AIM2: variants seen among roughly 807,000 people sequenced by gnomAD.
AIM2 encodes the protein interferon-inducible protein AIM2.
A neutral mutation model predicts 27.7 loss-of-function variants in AIM2; 30 were observed. That is an observed-to-expected ratio of 1.08 (90% CI 0.81 to 1.47). The LOEUF is 1.47. Among genes scored for constraint, AIM2 ranks in the 40% most tolerant of loss-of-function variants. The pLI, the probability that AIM2 is intolerant of heterozygous loss-of-function variation, is 0.00. For missense variants in AIM2, 358 were observed against 411.3 expected, an observed-to-expected ratio of 0.87 and a Z score of 1.12; for synonymous variants, 141 against 145.3, an observed-to-expected ratio of 0.97 and a Z score of 0.21.
At chr1:159,123,611 A>G (rs1557912987) in intron 1 of AIM2, 1 of 152,238 alleles carries the variant, frequency 6.6e-6, no homozygotes, top group Non-Finnish European at 1.5e-5. Flanking sequence ...GTTTGGCAAA[A>G]GTTAGATGGC....
rs545512427 is a variant in AIM2, at chr1:159,101,037, A to G, written c.-15-34708T>C. On this transcript the variant is annotated intron_variant, in intron 1 of 2. Coordinates refer to the AIM2 transcript ENST00000368129. ...TACACCTCACTTTCACCTCACTTTCATCACAGATAAGTTAGACAACATCAC... is the reference window on the plus strand; with the variant it reads ...TACACCTCACTTTCACCTCACTTTCGTCACAGATAAGTTAGACAACATCAC... Among the ~76,000 whole-genome samples, 29 of 152,298 alleles carry G rather than the reference A, an allele frequency of 1.9e-4. No individual in the cohort carries two copies. In the South Asian group the frequency reaches 4.6e-3, roughly 24 times the overall value.
chr1:159,139,876 C>T (rs1648077986), intron 1 of AIM2, among the ~76,000 whole-genome samples: 1 of 152,120 alleles, frequency 6.6e-6, no homozygotes, highest in Non-Finnish European at 1.5e-5. Context: ...GGCCCTTGCC[C>T]CGAATTTTAA....
At chr1:159,061,558 ATTTTTTTTTTTTTTT>A (rs945588968), downstream of AIM2, among the ~76,000 whole-genome samples, 261 of 83,118 alleles carry the variant, frequency 3.1e-3, 3 homozygotes, top group South Asian at 0.02. Context: ...GTGCCCGGCT[ATTTTTTTTTTTTTTT>A]TTTTTTTTTT....
At chr1:159,130,222 A>G (rs1378755096) in intron 1 of AIM2, among the ~76,000 whole-genome samples, 1 of 152,168 alleles carries the variant, frequency 6.6e-6, no homozygotes, top group Non-Finnish European at 1.5e-5. Context: ...TGGGTTCCTC[A>G]GGGCTTCTTC....
intron 1 of AIM2, among the ~76,000 whole-genome samples, chr1:159,139,528 T>C (rs1054877238): frequency 6.6e-6 from 1 of 152,232 alleles, no homozygotes; most frequent in Non-Finnish European, 1.5e-5. Flanking sequence ...ATATACTCTT[T>C]TTTTTAATAC....
At chr1:159,114,276 C>T (rs1009152872) in intron 1 of AIM2, among the ~76,000 whole-genome samples, 2 of 152,090 alleles carry the variant, frequency 1.3e-5, no homozygotes, top group African/African-American at 4.8e-5. Flanking sequence ...CACATGAGTA[C>T]AAAGGGTTTC....
intron 1 of AIM2, among the ~76,000 whole-genome samples, chr1:159,092,980 C>T (rs1309211552): frequency 1.3e-5 from 2 of 151,812 alleles, no homozygotes; most frequent in East Asian, 1.9e-4. Context: ...GAGCCAAGAT[C>T]GCGCCACTAC....
chr1:159,077,126 A>T (rs1557897224), upstream of AIM2, among the ~76,000 whole-genome samples: 1 of 152,214 alleles, frequency 6.6e-6, no homozygotes, highest in Non-Finnish European at 1.5e-5. Context: ...AGCATAAGAG[A>T]ATCTGAAAAT....
intron 4 of AIM2, among the ~76,000 whole-genome samples, chr1:159,064,033 A>G (rs1300822119): frequency 1.3e-5 from 2 of 152,220 alleles, no homozygotes; most frequent in East Asian, 1.9e-4. Flanking sequence ...TATAATATGT[A>G]TAACACAAAA....
At chr1:159,083,543 C>T (rs772650356) in intron 1 of AIM2, among the ~76,000 whole-genome samples, 7 of 152,010 alleles carry the variant, frequency 4.6e-5, no homozygotes, top group Non-Finnish European at 8.8e-5. Flanking sequence ...ACATAAATAG[C>T]TCTACTAAAT....
At chr1:159,124,201 T>TA (rs142103030) in intron 1 of AIM2, among the ~76,000 whole-genome samples, 6,277 of 152,124 alleles carry the variant, frequency 0.041, 338 homozygotes, top group African/African-American at 0.13. Context: ...TCTCTTTTTT[T>TA]AAAAAAAATG....
upstream of AIM2, among the ~76,000 whole-genome samples, chr1:159,078,067 T>C (rs1268345217): frequency 6.6e-6 from 1 of 152,206 alleles, no homozygotes; most frequent in Non-Finnish European, 1.5e-5. Flanking sequence ...TCCTTCACTT[T>C]CTACTGCAAG....
chr1:159,112,718 T>C (rs957278521), intron 1 of AIM2, among the ~76,000 whole-genome samples: 1 of 152,022 alleles, frequency 6.6e-6, no homozygotes, highest in African/African-American at 2.4e-5. Flanking sequence ...AAAAGTGGGG[T>C]CCAATCTTAA....
At chr1:159,116,004 C>T (rs192449275) in intron 1 of AIM2, among the ~76,000 whole-genome samples, 7 of 152,260 alleles carry the variant, frequency 4.6e-5, no homozygotes, top group Middle Eastern at 3.4e-3. Flanking sequence ...CAAACAACCC[C>T]ATCAATAAGT....
At position 159,062,603 on chromosome 1, in the gene AIM2, C is replaced by T. The variant is rs1455696290; in HGVS notation, c.*89G>A. ...CCTGTGAACTGCAGCTTTCAGGTAA[C>T]TTACAATCTGATTGAAGAGGCTGTA... On this transcript the variant is annotated 3_prime_UTR_variant, in exon 6 of 6. Transcript: ENST00000368130. 4.5e-5 allele frequency: 59 copies of T among 1,308,324 alleles called. No individual in the cohort carries two copies. The highest frequency in any genetic ancestry group is 6.2e-5 in the Non-Finnish European group (57 of 913,366). The allele number at this position is 1,308,324 out of a possible 1,614,324, so 81.0% of individuals were successfully genotyped here.
intron 1 of AIM2, among the ~76,000 whole-genome samples, chr1:159,090,593 C>A (rs1487040262): frequency 6.6e-6 from 1 of 152,294 alleles, no homozygotes; most frequent in East Asian, 1.9e-4. Context: ...TCTATGGACA[C>A]TTCAGACCAA....
intron 1 of AIM2, among the ~76,000 whole-genome samples, chr1:159,115,211 A>G (rs1647300900): frequency 6.6e-6 from 1 of 152,210 alleles, no homozygotes; most frequent in Non-Finnish European, 1.5e-5. Context: ...AGAACATTCC[A>G]TGCTCATGGG....
chr1:159,127,772 C>A (rs1647762664), intron 1 of AIM2, among the ~76,000 whole-genome samples: 1 of 152,174 alleles, frequency 6.6e-6, no homozygotes, highest in Non-Finnish European at 1.5e-5. Context: ...TGACCTTGGA[C>A]TTCCCAAGGC....
rs375982183 is a variant in AIM2 at position 159,119,173 on chromosome 1, C to T, written c.-16+21258G>A. On this transcript the variant is annotated intron_variant, in intron 1 of 2. Coordinates refer to the AIM2 transcript ENST00000368129. ...TGACATGAATCGGAACGCTTGTAAC[C>T]CCAGGAGAGACACGCAGTGAAAGTG... Among the ~76,000 whole-genome samples the T allele has an allele frequency of 7.9e-5, 12 of 151,998 alleles. No individual in the cohort carries two copies. The East Asian group carries it at 2.3e-3, about 29-fold the overall frequency.
Sources: allele counts gnomAD v4.1 joint callset (sites outside exome capture counted in the v4.1 genomes callset), GRCh38; gene constraint gnomAD v4.1.1; transcripts MANE v1.5; gene names NCBI Gene and HGNC (gene_info 2026-07-23, HGNC 2026-07-21).